Variants in PCDHA5 observed in about 807,000 individuals in gnomAD.
PCDHA5 encodes protocadherin alpha 5.
PCDHA5 carries 43 observed loss-of-function variants against 61.6 expected under a neutral mutation model. The ratio of observed to expected loss-of-function variants is 0.70; its 90% CI spans 0.55 to 0.90. The LOEUF is 0.90. Ranked by LOEUF, PCDHA5 falls within the 40% of genes least tolerant of loss-of-function variation. The probability of loss-of-function intolerance (pLI) is 0.00; values close to 1 mark genes in which losing one functional copy is unlikely to be tolerated. For synonymous variants in PCDHA5, 627 were observed against 543.9 expected (o/e 1.15, Z -2.13); for missense variants, 1,298 against 1,222.7 (o/e 1.06, Z -0.92).
intron 3 of PCDHA5, among the ~76,000 whole-genome samples, chr5:140,986,151 G>T (rs547474191): frequency 6.6e-6 from 1 of 152,316 alleles, no homozygotes; most frequent in East Asian, 1.9e-4. Flanking sequence ...GCATCACCAA[G>T]TAATGTTTTC....
intron 1 of PCDHA5, chr5:140,848,856 G>T: frequency 1.3e-6 from 2 of 1,590,682 alleles, no homozygotes; most frequent in South Asian, 2.2e-5. Context: ...CCATGTGGAC[G>T]TGGAGGTGAA....
chr5:140,951,210 G>C (rs541010152), intron 1 of PCDHA5, among the ~76,000 whole-genome samples: 4 of 151,862 alleles, frequency 2.6e-5, no homozygotes, highest in African/African-American at 9.7e-5. Flanking sequence ...TGTCATCTCA[G>C]GTTTGGATTC....
rs2150386849 is a variant in PCDHA5, at chr5:140,846,316, A to G, written c.2352+22189A>G. ...TGAATTAAGTAAACCATTTATGTAG[A>G]GTGTTGTAAATAGCCTTTTAAAGTG... On this transcript the variant is annotated intron_variant, in intron 1 of 3. Transcript: ENST00000529859. 2.4e-3 allele frequency among the ~76,000 whole-genome samples: 359 copies of G among 147,560 alleles called. 12 individuals carry two copies. Among genetic ancestry groups the G allele is most frequent in the African/African-American group, 8.0e-3 (325 of 40,542 alleles).
At chr5:140,887,984 A>G (rs2061657027) in intron 1 of PCDHA5, among the ~76,000 whole-genome samples, 1 of 152,178 alleles carries the variant, frequency 6.6e-6, no homozygotes, top group Admixed American at 6.5e-5. Context: ...TTTATTTTAC[A>G]TGTCTCCACC....
intron 1 of PCDHA5, chr5:140,843,171 G>C: frequency 6.3e-7 from 1 of 1,596,072 alleles, no homozygotes; most frequent in Non-Finnish European, 8.6e-7. Context: ...GCTGCAAGCA[G>C]CCCTCGCATC....
intron 1 of PCDHA5, among the ~76,000 whole-genome samples, chr5:140,914,715 T>A (rs1554196547): frequency 6.6e-6 from 1 of 152,162 alleles, no homozygotes; most frequent in Non-Finnish European, 1.5e-5. Flanking sequence ...TTCTTGTTTT[T>A]TATTTTTTGT....
At chr5:140,990,354 G>GA (rs1554251439) in intron 3 of PCDHA5, among the ~76,000 whole-genome samples, 1 of 152,158 alleles carries the variant, frequency 6.6e-6, no homozygotes, top group Non-Finnish European at 1.5e-5. Context: ...GCCCTGTACA[G>GA]AAAATCTAAT....
At chr5:140,928,298 C>T in intron 1 of PCDHA5, 2 of 1,614,128 alleles carry the variant, frequency 1.2e-6, no homozygotes, top group South Asian at 1.1e-5. Context: ...CGAGTGTTTG[C>T]CCAGGACCCC....
At chr5:140,852,880 A>C in intron 1 of PCDHA5, 1 of 943,656 alleles carries the variant, frequency 1.1e-6, no homozygotes, top group Non-Finnish European at 1.3e-6. Context: ...ATAATCATAA[A>C]ACGTATTTTT....
At chr5:140,937,789 G>A (rs1413517840) in intron 1 of PCDHA5, among the ~76,000 whole-genome samples, 1 of 151,816 alleles carries the variant, frequency 6.6e-6, no homozygotes, top group Non-Finnish European at 1.5e-5. Flanking sequence ...GCGGGCGTAT[G>A]TAGTCCCAGC....
Position 141,010,123 on chromosome 5 carries a change from A to G in PCDHA5, c.*186A>G, listed in dbSNP as rs782357783. The G allele has an allele frequency of 3.7e-6, 6 of 1,605,822 alleles. No individual in the cohort carries two copies. In the East Asian group the frequency reaches 1.3e-4, roughly 36 times the overall value. On this transcript the variant is annotated 3_prime_UTR_variant, in exon 4 of 4. Transcript: ENST00000529859. ...AGGTTTTGTCGTAAAAGCTTTACTA[A>G]GTCTGGTGTTAACTCTTTCTCTCCA...
chr5:140,882,263 T>G (rs1554173290), intron 1 of PCDHA5: 3 of 1,604,900 alleles, frequency 1.9e-6, no homozygotes. Context: ...GTTTTTGGAG[T>G]GTACCATGCT....
chr5:140,995,788 T>C (rs1327222255), intron 3 of PCDHA5, among the ~76,000 whole-genome samples: 1 of 152,154 alleles, frequency 6.6e-6, no homozygotes, highest in Non-Finnish European at 1.5e-5. Context: ...GGTTTAAAAT[T>C]TGTCTCATGT....
At chr5:140,864,608 T>C (rs1180007033) in intron 1 of PCDHA5, 3 of 152,188 alleles carry the variant, frequency 2.0e-5, no homozygotes, top group Non-Finnish European at 4.4e-5. Context: ...GCCAACAACT[T>C]TGTTCTTTTT....
At chr5:140,858,296 C>A in intron 1 of PCDHA5, 2 of 1,597,508 alleles carry the variant, frequency 1.3e-6, no homozygotes, top group Non-Finnish European at 1.7e-6. Flanking sequence ...GTCTTACTCG[C>A]AGCAGAGGCG....
At chr5:140,891,431 A>G (rs912407002) in intron 1 of PCDHA5, among the ~76,000 whole-genome samples, 1 of 143,446 alleles carries the variant, frequency 7.0e-6, no homozygotes, top group Non-Finnish European at 1.5e-5. Context: ...CAAGTCCCCA[A>G]CGTCCATTGT....
intron 1 of PCDHA5, chr5:140,863,164 G>C (rs781940637): frequency 1.7e-5 from 11 of 661,132 alleles, no homozygotes; most frequent in Non-Finnish European, 3.0e-5. Context: ...CTGCGAGCTG[G>C]CGCTGACTGC....
At chr5:140,843,038 A>T in intron 1 of PCDHA5, 1 of 1,595,166 alleles carries the variant, frequency 6.3e-7, no homozygotes, top group Non-Finnish European at 8.6e-7. Flanking sequence ...GGTGGGTGGC[A>T]CTGGTGGCGC....
rs2150329918 is a variant in PCDHA5, at chr5:140,842,127, C to G, written c.2352+18000C>G. 7.9e-5 allele frequency: 127 copies of G among 1,612,886 alleles called. 5 individuals carry two copies. The South Asian group carries it at 8.9e-4, about 11-fold the overall frequency. ...GTTATCAAACTGAATGCTTCTGATC[C>G]GGATGAAGGAGCCAATGGGGCAATT... On this transcript the variant is annotated intron_variant, in intron 1 of 3. Coordinates refer to ENST00000529859, the MANE Select transcript of PCDHA5 (RefSeq NM_018908.3).
Sources: allele counts gnomAD v4.1 joint callset (sites outside exome capture counted in the v4.1 genomes callset), GRCh38; gene constraint gnomAD v4.1.1; transcripts MANE v1.5; gene names NCBI Gene and HGNC (gene_info 2026-07-23, HGNC 2026-07-21).